Variants in OTOGL observed in about 807,000 individuals in gnomAD.
OTOGL encodes the protein otogelin-like protein.
OTOGL carries 285 observed loss-of-function variants against 318.5 expected under a neutral mutation model. That is an observed-to-expected ratio of 0.89 (90% CI 0.81 to 0.99). The LOEUF (loss-of-function observed/expected upper bound fraction) is 0.99, where lower values mean the gene tolerates loss of function less well. OTOGL is among the 50% of genes least tolerant of loss of function. The pLI is 0.00. For missense variants in OTOGL, 2,899 were observed against 2,845.6 expected (o/e 1.02, Z -0.43); for synonymous variants, 987 against 936.5 (o/e 1.05, Z -0.99).
intron 1 of OTOGL, among the ~76,000 whole-genome samples, chr12:80,194,423 T>G (rs561748433): frequency 6.6e-6 from 1 of 152,288 alleles, no homozygotes; most frequent in South Asian, 2.1e-4. Context: ...AGCAAGACCT[T>G]CTAATTGCAA....
intron 54 of OTOGL, among the ~76,000 whole-genome samples, chr12:80,367,951 G>T (rs768024616): frequency 6.6e-6 from 1 of 152,022 alleles, no homozygotes; most frequent in Non-Finnish European, 1.5e-5. Flanking sequence ...TCTACAGCTT[G>T]CCAGGTTGCC....
chr12:80,232,100 G>T (rs994301903), intron 8 of OTOGL, among the ~76,000 whole-genome samples: 40 of 152,136 alleles, frequency 2.6e-4, no homozygotes. Flanking sequence ...GTTACCTTAT[G>T]TCACCCACTT....
chr12:80,292,462 C>T (rs1229826450), intron 26 of OTOGL, among the ~76,000 whole-genome samples: 1 of 152,190 alleles, frequency 6.6e-6, no homozygotes, highest in Non-Finnish European at 1.5e-5. Flanking sequence ...CAGTGAGAAT[C>T]CCAGAAGTTT....
intron 1 of OTOGL, among the ~76,000 whole-genome samples, chr12:80,206,545 C>T (rs897916694): frequency 1.3e-5 from 2 of 152,082 alleles, no homozygotes; most frequent in African/African-American, 4.8e-5. Flanking sequence ...GGGTCTTGCT[C>T]TGTTGCCAGG....
intron 11 of OTOGL, among the ~76,000 whole-genome samples, chr12:80,242,963 C>T (rs1467646840): frequency 6.6e-6 from 1 of 152,050 alleles, no homozygotes; most frequent in African/African-American, 2.4e-5. Context: ...GAATGCCAAA[C>T]CCAGCAGCAA....
intron 1 of OTOGL, among the ~76,000 whole-genome samples, chr12:80,170,178 G>GGTGTGTGTGTGTGT: frequency 6.9e-6 from 1 of 144,064 alleles, no homozygotes; most frequent in Non-Finnish European, 1.5e-5. Flanking sequence ...CTTTGTCAGG[G>GGTGTGTGTGTGTGT]GTGTGTGTGT....
intron 1 of OTOGL, among the ~76,000 whole-genome samples, chr12:80,152,841 G>A (rs1284577229): frequency 3.9e-5 from 6 of 152,002 alleles, no homozygotes; most frequent in Admixed American, 2.0e-4. Flanking sequence ...CTGGTGGTAT[G>A]CACCACCACA....
intron 1 of OTOGL, among the ~76,000 whole-genome samples, chr12:80,190,881 C>T (rs1187485295): frequency 1.3e-5 from 2 of 149,844 alleles, no homozygotes; most frequent in Non-Finnish European, 1.5e-5. Flanking sequence ...ATAGTTCTTC[C>T]TTTACTTTGT....
At chr12:80,137,262 G>T (rs1478215144) in intron 1 of OTOGL, among the ~76,000 whole-genome samples, 2 of 151,854 alleles carry the variant, frequency 1.3e-5, no homozygotes, top group African/African-American at 4.8e-5. Context: ...TATCTCGGTA[G>T]CAAAGAAAAA....
At chr12:80,329,294 TC>T (rs1276080672) in intron 37 of OTOGL, among the ~76,000 whole-genome samples, 175 bp downstream of exon 37, 5 of 152,210 alleles carry the variant, frequency 3.3e-5, no homozygotes, top group Non-Finnish European at 7.3e-5. Flanking sequence ...TGCCATGTTT[TC>T]TAGAACTTCT....
At chr12:80,284,062 T>A (rs1884433689) in intron 26 of OTOGL, among the ~76,000 whole-genome samples, 1 of 152,116 alleles carries the variant, frequency 6.6e-6, no homozygotes, top group African/African-American at 2.4e-5. Flanking sequence ...CAGTGTATGA[T>A]GTTCCCCTCC....
chr12:80,165,089 T>G (rs1202375193), intron 1 of OTOGL, among the ~76,000 whole-genome samples: 1 of 152,070 alleles, frequency 6.6e-6, no homozygotes, highest in African/African-American at 2.4e-5. Context: ...TGATAGCGCT[T>G]TCTCCCTGTG....
rs572003843 is a variant in OTOGL at position 80,194,145 on chromosome 12, G to A, written c.-19-15268G>A. On this transcript the variant is annotated intron_variant, in intron 1 of 58. Transcript: ENST00000547103. ...CCTAGATACTCCTGTATAGCCAAAC[G>A]TTAGGCATGTGACCTAGTCAGGCAC... Among the ~76,000 whole-genome samples the A allele has an allele frequency of 3.7e-4, 56 of 152,276 alleles. 1 individual carries two copies. In the South Asian group the frequency reaches 0.011, roughly 30 times the overall value.
chr12:80,101,310 G>A (rs1426906084), intron 1 of OTOGL, among the ~76,000 whole-genome samples: 1 of 152,106 alleles, frequency 6.6e-6, no homozygotes, highest in Admixed American at 6.6e-5. Flanking sequence ...GTAAGTGGGT[G>A]GAATATGTAT....
At chr12:80,267,204 G>A in intron 21 of OTOGL, 49 bp from the exon 22 acceptor site, 1 of 1,287,770 alleles carries the variant, frequency 7.8e-7, no homozygotes, top group Non-Finnish European at 1.1e-6. Flanking sequence ...AATTTTAGTG[G>A]TTTTTGAAAA....
At chr12:80,325,480 G>A (rs931517084) in intron 35 of OTOGL, among the ~76,000 whole-genome samples, 1 of 152,166 alleles carries the variant, frequency 6.6e-6, no homozygotes, top group Non-Finnish European at 1.5e-5. Flanking sequence ...ACCAACCGAG[G>A]CACAGAGAAG....
intron 1 of OTOGL, chr12:80,208,327 TAATAG>T: frequency 2.3e-6 from 1 of 441,150 alleles, no homozygotes; most frequent in South Asian, 1.6e-5. Flanking sequence ...CAAGAATACT[TAATAG>T]AAAAGACTCA....
intron 1 of OTOGL, among the ~76,000 whole-genome samples, chr12:80,146,896 G>T (rs891564997): frequency 7.0e-6 from 1 of 142,170 alleles, no homozygotes; most frequent in Non-Finnish European, 1.5e-5. Context: ...TGTGGGATTG[G>T]TGGTGATATC....
rs867389415 is a variant in OTOGL, at chr12:80,328,056, C to G, written c.4200-609C>G. On this transcript the variant is annotated intron_variant, in intron 35 of 58. Coordinates refer to ENST00000547103, the MANE Select transcript of OTOGL (RefSeq NM_001378609.3). ...AATTGGCCAGGTGCCAGGGCTAATG[C>G]CTGTAATCCCAGAGCTTTGGGAGGC... is the stretch of plus-strand genomic sequence containing the variant. Among the ~76,000 whole-genome samples the G allele has an allele frequency of 2.0e-5, 3 of 151,018 alleles. No homozygotes were observed. The South Asian group carries it at 6.3e-4, about 32-fold the overall frequency.
Sources: gnomAD v4.1 joint callset for allele counts (sites outside exome capture counted in the v4.1 genomes callset) on GRCh38, gnomAD v4.1.1 for gene constraint, MANE v1.5 for transcripts, NCBI Gene and HGNC (gene_info 2026-07-23, HGNC 2026-07-21) for gene names.